HHLA1: variants seen among roughly 807,000 people sequenced by gnomAD.
HHLA1 encodes the protein HHLA1 neighbor of OC90.
A neutral mutation model predicts 69.9 loss-of-function variants in HHLA1; 72 were observed. That is an observed-to-expected ratio of 1.03 (90% CI 0.85 to 1.25). The LOEUF is 1.25. Among genes scored for constraint, HHLA1 ranks in the 50% most tolerant of loss-of-function variants. The probability of loss-of-function intolerance (pLI) is 0.00; values close to 1 mark genes in which losing one functional copy is unlikely to be tolerated. For synonymous variants in HHLA1, 252 were observed against 233.2 expected, an observed-to-expected ratio of 1.08 and a Z score of -0.73; for missense variants, 685 against 642.2, an observed-to-expected ratio of 1.07 and a Z score of -0.72.
intron 10 of HHLA1, chr8:132,085,642 G>A (rs372280809): frequency 0.014 from 2,197 of 159,410 alleles, 23 homozygotes; most frequent in African/African-American, 0.05. Flanking sequence ...GGCTGAGTCC[G>A]AAAAGAGAGT....
intron 14 of HHLA1, among the ~76,000 whole-genome samples, chr8:132,074,235 T>C (rs1823597317): frequency 6.6e-6 from 1 of 152,154 alleles, no homozygotes; most frequent in Non-Finnish European, 1.5e-5. Context: ...TCTTGAACCA[T>C]CCCCTCACCT....
chr8:132,072,425 A>AATT (rs1037965625), intron 14 of HHLA1, among the ~76,000 whole-genome samples: 4 of 152,030 alleles, frequency 2.6e-5, no homozygotes, highest in Non-Finnish European at 4.4e-5. Context: ...AAATAATAGC[A>AATT]ATTATTATTA....
chr8:132,065,866 T>TAAGTA lies in HHLA1; in HGVS notation c.1552+19_1552+20insTACTT. The TAAGTA allele has an allele frequency of 8.2e-7, 1 of 1,223,142 alleles. No homozygotes were observed. Among genetic ancestry groups the TAAGTA allele is most frequent in the African/African-American group, 1.6e-5 (1 of 64,284 alleles). The allele number at this position is 1,223,142 out of a possible 1,614,324, so 75.8% of individuals were successfully genotyped here. On this transcript the variant is annotated intron_variant, in intron 16 of 16. Transcript: ENST00000414222. ...ATGCATTCACTGCAAAGTTACAACA[T>TAAGTA]AGTCAAGCTGTGTACTTACTGTGCG... is the stretch of plus-strand genomic sequence containing the variant.
intron 7 of HHLA1, among the ~76,000 whole-genome samples, chr8:132,095,025 A>C (rs1824000741): frequency 6.6e-6 from 1 of 152,224 alleles, no homozygotes; most frequent in South Asian, 2.1e-4. Flanking sequence ...TCTTTTAACC[A>C]ACATTCTTCC....
intron 3 of HHLA1, among the ~76,000 whole-genome samples, chr8:132,102,381 G>T (rs1280738024): frequency 1.3e-5 from 2 of 152,324 alleles, no homozygotes; most frequent in East Asian, 3.9e-4. Flanking sequence ...AGCTTCTGGG[G>T]TTAGAGGTAG....
At chr8:132,101,063 T>G in intron 3 of HHLA1, 1 of 1,165,250 alleles carries the variant, frequency 8.6e-7, no homozygotes. Flanking sequence ...CAAAAAAAGC[T>G]AGTATCACAT....
chr8:132,068,000 C>T (rs1482485882), intron 15 of HHLA1, among the ~76,000 whole-genome samples: 7 of 152,322 alleles, frequency 4.6e-5, no homozygotes, highest in African/African-American at 1.7e-4. Context: ...GGTCTAATCC[C>T]ATTTCTTCTT....
intron 7 of HHLA1, among the ~76,000 whole-genome samples, chr8:132,091,608 T>G (rs1364635258): frequency 6.6e-6 from 1 of 152,246 alleles, no homozygotes; most frequent in Non-Finnish European, 1.5e-5. Context: ...TTATGAAAGT[T>G]TGAATTATCT....
At chr8:132,071,571 G>T (rs1266263123) in intron 14 of HHLA1, 78 bp from the exon 15 acceptor site, 7 of 1,361,904 alleles carry the variant, frequency 5.1e-6, no homozygotes, top group Non-Finnish European at 7.1e-6. Flanking sequence ...CCTGCATCAG[G>T]TGAATATAGT....
chr8:132,104,600 C>G (rs905899224), intron 2 of HHLA1, among the ~76,000 whole-genome samples: 4 of 152,030 alleles, frequency 2.6e-5, no homozygotes, highest in Non-Finnish European at 2.9e-5. Context: ...GTATACAGAA[C>G]AGCACAAGCC....
At chr8:132,070,427 T>A (rs561234204) in intron 15 of HHLA1, 1 of 700,398 alleles carries the variant, frequency 1.4e-6, no homozygotes, top group Non-Finnish European at 2.6e-6. Context: ...TCCTAGCAAA[T>A]CTCGCCAGGC....
At chr8:132,066,876 C>T (rs1333326450) in intron 15 of HHLA1, among the ~76,000 whole-genome samples, 1 of 152,158 alleles carries the variant, frequency 6.6e-6, no homozygotes, top group East Asian at 1.9e-4. Context: ...CCCAGGTAAC[C>T]CACTTTATGC....
Position 132,079,800 on chromosome 8 carries a change from G to C in HHLA1, c.843C>G (p.Thr281=). The C allele has an allele frequency of 6.4e-7, 1 of 1,551,700 alleles. No individual in the cohort carries two copies. Among genetic ancestry groups the C allele is most frequent in the African/African-American group, 1.4e-5 (1 of 73,172 alleles). ...ETAAPSETEE[T]LNTGRPPELP... ...GCTCAGGAGGCCTGCCTGTGTTCAG[G>C]GTCTCCTCTGTTTCTGAAGGAGCAG... The change falls in exon 11 of 17, where the codon ACC becomes ACG. Residue 281 remains threonine, a synonymous_variant. Transcript: ENST00000414222.
At chr8:132,076,385 G>A (rs1586725722) in intron 13 of HHLA1, 90 bp downstream of exon 13, 4 of 901,116 alleles carry the variant, frequency 4.4e-6, no homozygotes, top group South Asian at 3.3e-5. Context: ...TTGCTTACTG[G>A]TACCCCATCC....
chr8:132,084,650 G>T (rs972126701), intron 10 of HHLA1, among the ~76,000 whole-genome samples: 2 of 152,000 alleles, frequency 1.3e-5, no homozygotes, highest in Non-Finnish European at 2.9e-5. Flanking sequence ...GTGAGTTGAA[G>T]AGGTTTTAAA....
At chr8:132,108,313 A>G (rs1273089221) in intron 1 of HHLA1, among the ~76,000 whole-genome samples, 1 of 152,220 alleles carries the variant, frequency 6.6e-6, no homozygotes, top group Non-Finnish European at 1.5e-5. Context: ...TTACTTCTGC[A>G]CCAACAATAT....
intron 14 of HHLA1, 49 bp from the exon 15 acceptor site, chr8:132,071,542 C>A (rs950421184): frequency 1.3e-6 from 2 of 1,525,794 alleles, no homozygotes; most frequent in South Asian, 1.2e-5. Flanking sequence ...GTTTAGTAAG[C>A]ATCTTCTCTT....
intron 16 of HHLA1, 117 bp from the exon 17 acceptor site, chr8:132,064,155 T>C: frequency 2.1e-6 from 1 of 479,040 alleles, no homozygotes; most frequent in Non-Finnish European, 3.5e-6. Context: ...AGAGCAAGTG[T>C]GGGGCAGTGC....
chr8:132,086,202 A>T (rs4736400), intron 10 of HHLA1, among the ~76,000 whole-genome samples: 138,764 of 152,168 alleles, frequency 0.91, 63,491 homozygotes, highest in Middle Eastern at 0.95. Context: ...AAGGCTCAAG[A>T]GGTGGCAGCA....
Sources: gnomAD v4.1 joint callset for allele counts (sites outside exome capture counted in the v4.1 genomes callset) on GRCh38, gnomAD v4.1.1 for gene constraint, MANE v1.5 for transcripts, NCBI Gene and HGNC (gene_info 2026-07-23, HGNC 2026-07-21) for gene names.